BLM: variants seen among roughly 807,000 people sequenced by gnomAD.
BLM encodes the protein recQ-like DNA helicase BLM.
A neutral mutation model predicts 135.3 loss-of-function variants in BLM; 95 were observed. That is an observed-to-expected ratio of 0.70 (90% CI 0.59 to 0.83). BLM has a LOEUF of 0.83. Among genes scored for constraint, BLM ranks in the 40% least tolerant of loss-of-function variants. The probability of loss-of-function intolerance (pLI) is 0.00; values close to 1 mark genes in which losing one functional copy is unlikely to be tolerated. For synonymous variants in BLM, 520 were observed against 589.2 expected, an observed-to-expected ratio of 0.88 and a Z score of 1.70; for missense variants, 1,518 against 1,663.9, an observed-to-expected ratio of 0.91 and a Z score of 1.53.
At position 90,809,121 on chromosome 15, in the gene BLM, T is replaced by G. The variant is rs200597294; in HGVS notation, c.3752-16T>G. 2.5e-6 allele frequency: 4 copies of G among 1,613,958 alleles called. No individual in the cohort carries two copies. The highest frequency in any genetic ancestry group is 2.2e-5 in the East Asian group (1 of 44,904). ...TGGGTGATAATTTAAATTCCTAATT[T>G]TATGCCTTTGCACAGAATCTTTATC... On this transcript the variant is annotated splice_polypyrimidine_tract_variant and intron_variant, in intron 19 of 21. Coordinates refer to ENST00000355112, the MANE Select transcript of BLM (RefSeq NM_000057.4).
chr15:90,804,240 G>A lies in BLM; in HGVS notation c.3632G>A (p.Arg1211Lys). Residue 1211 changes from arginine (R) to lysine (K), a missense_variant, in exon 19 of 22, where the codon AGG becomes AAG. By Grantham distance (26) the Arg-to-Lys change is conservative (BLOSUM62 2). Around this residue, in one of 5 missense-constraint regions of BLM, gnomAD observed 626 missense variants for 681.1 expected, o/e 0.92. Coordinates refer to ENST00000355112, the MANE Select transcript of BLM (RefSeq NM_000057.4). ...GCGTTAGTAGCAAAAGTGTCTCAGA[G>A]GGAAGAGATGGTTAAAAAATGTCTT... ...QKALVAKVSQ[R>K]EEMVKKCLGE... 1 of 1,614,150 alleles carries A rather than the reference G, an allele frequency of 6.2e-7. No homozygotes were observed. The highest frequency in any genetic ancestry group is 8.5e-7 in the Non-Finnish European group (1 of 1,180,008).
rs544534134 is a variant in BLM at position 90,766,628 on chromosome 15, G to C, written c.2194-282G>C. Among the ~76,000 whole-genome samples the C allele has an allele frequency of 2.6e-5, 4 of 151,976 alleles. No homozygotes were observed. The South Asian group carries it at 8.3e-4, about 32-fold the overall frequency. On this transcript the variant is annotated intron_variant, in intron 9 of 21. Coordinates refer to ENST00000355112, the MANE Select transcript of BLM (RefSeq NM_000057.4). Reference sequence around the variant, plus strand: ...TTTTCAGTAGAGATGGGGTTTCTCCGTGTTGGCCATGCTAGTCTTGAACTC... The same window carrying C: ...TTTTCAGTAGAGATGGGGTTTCTCCCTGTTGGCCATGCTAGTCTTGAACTC...
chr15:90,733,052 C>T (rs533326486), intron 1 of BLM, among the ~76,000 whole-genome samples: 18 of 151,934 alleles, frequency 1.2e-4, no homozygotes, highest in Non-Finnish European at 2.4e-4. Flanking sequence ...GAGATCGTGC[C>T]ACTGCACTGC....
intron 4 of BLM, among the ~76,000 whole-genome samples, chr15:90,752,255 A>G (rs1485795398): frequency 3.3e-5 from 5 of 151,194 alleles, no homozygotes; most frequent in Admixed American, 3.3e-4. Flanking sequence ...GGCTCACTGC[A>G]GCCTCCACCT....
At chr15:90,764,638 GTAAA>G (rs1896074282) in intron 8 of BLM, among the ~76,000 whole-genome samples, 1 of 152,092 alleles carries the variant, frequency 6.6e-6, no homozygotes, top group South Asian at 2.1e-4. Context: ...AATAATAAAA[GTAAA>G]TAAACATTAT....
intron 16 of BLM, among the ~76,000 whole-genome samples, chr15:90,796,096 T>G (rs1596261447): frequency 6.6e-6 from 1 of 152,278 alleles, no homozygotes; most frequent in East Asian, 1.9e-4. Context: ...GCCAGAGCAG[T>G]CAGTTGAGGG....
At chr15:90,811,911 GTCTCC>G (rs1897431895) in intron 21 of BLM, among the ~76,000 whole-genome samples, 1 of 152,116 alleles carries the variant, frequency 6.6e-6, no homozygotes, top group South Asian at 2.1e-4. Flanking sequence ...GCCCACTTTG[GTCTCC>G]CCAAAGTGCT....
At chr15:90,759,546 A>G (rs1406745694) in intron 5 of BLM, among the ~76,000 whole-genome samples, 5 of 152,036 alleles carry the variant, frequency 3.3e-5, no homozygotes, top group Non-Finnish European at 7.4e-5. Context: ...GTGAGCAGTG[A>G]TTGCACCACT....
intron 1 of BLM, among the ~76,000 whole-genome samples, chr15:90,725,228 G>C (rs1038134885): frequency 6.6e-6 from 1 of 151,890 alleles, no homozygotes; most frequent in South Asian, 2.1e-4. Flanking sequence ...AGGTTTTATT[G>C]AATTAATTAC....
In BLM at chr15:90,769,140, C is replaced by T. The variant is rs765478171; in HGVS notation, c.2315C>T (p.Ala772Val). 23 of 1,609,990 alleles carry T rather than the reference C, an allele frequency of 1.4e-5. No homozygotes were observed. The African/African-American group carries it at 2.9e-4, about 21-fold the overall frequency. ...AATGTATTTCTGGCCTAGATCTGTG[C>T]AAGTAACAGACTCATTTCTACTCTG... ...LLYVTPEKIC[A>V]SNRLISTLEN... is the part of the protein sequence containing the mutation. Residue 772 changes from alanine to valine, a missense_variant, in exon 11 of 22, where the codon GCA becomes GTA. By Grantham distance (64) the Ala-to-Val change is moderately conservative. Coordinates refer to ENST00000355112, the MANE Select transcript of BLM (RefSeq NM_000057.4).
At position 90,749,809 on chromosome 15, in the gene BLM, A is replaced by C; in HGVS notation, c.541A>C (p.Ser181Arg). The C allele has an allele frequency of 3.1e-6, 5 of 1,602,362 alleles. No individual in the cohort carries two copies. The highest frequency in any genetic ancestry group is 4.3e-6 in the Non-Finnish European group (5 of 1,174,808). The part of the protein sequence containing the change: ...TPPQSHFVRV[S>R]TAQKSKKGKR... ...ACCCCAAAGTCACTTTGTAAGAGTA[A>C]GCACTGCTCAGAAATCAAAAAAGGG... is the stretch of plus-strand genomic sequence containing the variant. Residue 181 changes from serine to arginine, a missense_variant, in exon 3 of 22, where the codon AGC becomes CGC. Ser to Arg is a moderately radical substitution (Grantham distance 110). This residue lies in a region of BLM where 724 missense variants were observed against 756.9 expected (regional missense o/e 0.96). Coordinates refer to ENST00000355112, the MANE Select transcript of BLM (RefSeq NM_000057.4).
At chr15:90,741,902 G>C (rs1895373116) in intron 1 of BLM, among the ~76,000 whole-genome samples, 1 of 152,220 alleles carries the variant, frequency 6.6e-6, no homozygotes, top group Non-Finnish European at 1.5e-5. Context: ...GTATTTGTTG[G>C]TTCTAGATTT....
intron 12 of BLM, among the ~76,000 whole-genome samples, chr15:90,780,213 T>C (rs1896585518): frequency 1.3e-5 from 2 of 151,716 alleles, no homozygotes; most frequent in South Asian, 4.2e-4. Flanking sequence ...GCCTCCTGAG[T>C]AGCTGGAATT....
intron 5 of BLM, chr15:90,759,910 C>G (rs1352475281): frequency 5.5e-6 from 2 of 366,868 alleles, no homozygotes; most frequent in Non-Finnish European, 9.5e-6. Flanking sequence ...CCCAGCCCCA[C>G]TTTAAAAAAA....
chr15:90,729,856 T>C (rs149710688), intron 1 of BLM, among the ~76,000 whole-genome samples: 174 of 152,320 alleles, frequency 1.1e-3, no homozygotes, highest in African/African-American at 3.9e-3. Flanking sequence ...ATTTTTATTT[T>C]TATTTTTGAG....
chr15:90,769,681 A>ACCCCAC (rs1323704919), intron 12 of BLM, 95 bp downstream of exon 12: 44 of 1,396,038 alleles, frequency 3.2e-5, no homozygotes, highest in Non-Finnish European at 1.2e-5. Context: ...TAACGCCACC[A>ACCCCAC]CCCCACCCCC....
chr15:90,749,992 C>T lies in BLM; in HGVS notation c.724C>T (p.Pro242Ser), dbSNP rs768513523. ...SSDVICIDDG[P>S]IAEVHINEDA... Reference sequence around the variant, plus strand: ...CGATGTGATTTGCATCGATGATGGCCCCATTGCTGAAGTGCATATAAATGA... The same window carrying T: ...CGATGTGATTTGCATCGATGATGGCTCCATTGCTGAAGTGCATATAAATGA... Residue 242 changes from proline (P) to serine (S), a missense_variant, in exon 3 of 22, where the codon CCC becomes TCC. Physicochemically the swap from Pro to Ser is moderately conservative, Grantham distance 74. Coordinates refer to ENST00000355112, the MANE Select transcript of BLM (RefSeq NM_000057.4). 10 of 1,614,036 alleles carry T rather than the reference C, an allele frequency of 6.2e-6. No individual in the cohort carries two copies. In the African/African-American group the frequency reaches 1.1e-4, roughly 17 times the overall value.
rs1480196189 is a variant in BLM, at chr15:90,723,201, A to G, written c.-5+5761A>G. Among the ~76,000 whole-genome samples the G allele has an allele frequency of 3.3e-5, 5 of 152,130 alleles. 1 individual carries two copies. The East Asian group carries it at 7.7e-4, about 23-fold the overall frequency. On this transcript the variant is annotated intron_variant, in intron 1 of 21. Transcript: ENST00000355112. Reference sequence around the variant, plus strand: ...GTCTTCATAGTTTGCCCTGATCTATACATCTATAAATAATATAGCTCAGTT... The same window carrying G: ...GTCTTCATAGTTTGCCCTGATCTATGCATCTATAAATAATATAGCTCAGTT...
chr15:90,738,107 A>C (rs1895266053), intron 1 of BLM, among the ~76,000 whole-genome samples: 1 of 152,198 alleles, frequency 6.6e-6, no homozygotes, highest in Non-Finnish European at 1.5e-5. Flanking sequence ...CAGAATCATG[A>C]AGAAACAGAA....
Sources: allele counts gnomAD v4.1 joint callset (sites outside exome capture counted in the v4.1 genomes callset), GRCh38; gene constraint gnomAD v4.1.1; regional missense constraint gnomAD v4.1.1; transcripts MANE v1.5; gene names NCBI Gene and HGNC (gene_info 2026-07-23, HGNC 2026-07-21).